Variants in TG observed in about 807,000 individuals in gnomAD.
TG encodes thyroglobulin.
TG carries 270 observed loss-of-function variants against 324.7 expected under a neutral mutation model. The observed-to-expected ratio is 0.83, with a 90% CI of 0.75 to 0.92. The LOEUF is 0.92. TG is among the 40% of genes least tolerant of loss of function. The probability of loss-of-function intolerance (pLI) is 0.00; values close to 1 mark genes in which losing one functional copy is unlikely to be tolerated. For missense variants in TG, 3,591 were observed against 3,456.4 expected (o/e 1.04, Z -0.98); for synonymous variants, 1,401 against 1,327.0 (o/e 1.06, Z -1.21).
Position 132,913,028 on chromosome 8 carries a change from C to T in TG, c.4160-19C>T. On this transcript the variant is annotated intron_variant, in intron 19 of 47. Transcript: ENST00000220616. ...AGAGTACAGTGGGGGTGACCTCTAC[C>T]TTATCCTGTGTCTTACAGAGAGAGC... The T allele has an allele frequency of 1.2e-6, 2 of 1,613,372 alleles. No homozygotes were observed. The highest frequency in any genetic ancestry group is 1.3e-5 in the African/African-American group (1 of 75,032).
At chr8:133,045,061 C>T (rs374316806) in intron 41 of TG, 21 of 1,614,032 alleles carry the variant, frequency 1.3e-5, no homozygotes, top group Non-Finnish European at 1.7e-5. Context: ...GTTGGGCAGA[C>T]GGAAAATGCG....
rs372657894 is a variant in TG at position 132,908,392 on chromosome 8, C to T, written c.4002+52C>T. ...AGGGCTTGGACTCAACTCAGGGTTA[C>T]GGTGTCAGAAAACCTGAGGGCTCAC... On this transcript the variant is annotated intron_variant, in intron 18 of 47. Coordinates refer to ENST00000220616, the MANE Select transcript of TG (RefSeq NM_003235.5). 88 of 1,504,862 alleles carry T rather than the reference C, an allele frequency of 5.8e-5. No homozygotes were observed. In the African/African-American group the frequency reaches 9.9e-4, roughly 17 times the overall value. The allele number at this position is 1,504,862 out of a possible 1,614,324, so 93.2% of individuals were successfully genotyped here.
intron 10 of TG, among the ~76,000 whole-genome samples, chr8:132,891,410 C>T (rs892798763): frequency 2.6e-5 from 4 of 152,212 alleles, no homozygotes; most frequent in Non-Finnish European, 5.9e-5. Flanking sequence ...TCTCAGTTCA[C>T]TGCAGCCTCA....
chr8:133,128,195 T>G (rs1401900983), intron 45 of TG, among the ~76,000 whole-genome samples: 1 of 152,102 alleles, frequency 6.6e-6, no homozygotes, highest in African/African-American at 2.4e-5. Flanking sequence ...CTTTTGAGCC[T>G]CAGCATCCAT....
At chr8:133,042,977 ACC>A (rs141440888) in intron 41 of TG, among the ~76,000 whole-genome samples, 23,005 of 151,884 alleles carry the variant, frequency 0.15, 2,428 homozygotes, top group East Asian at 0.47. Context: ...TACAGGCATG[ACC>A]CACCATGCCT....
intron 41 of TG, among the ~76,000 whole-genome samples, chr8:133,091,741 T>G (rs1482691493): frequency 6.6e-6 from 1 of 151,976 alleles, no homozygotes; most frequent in East Asian, 1.9e-4. Flanking sequence ...TGTGTGTGGG[T>G]GTATATTTCT....
intron 35 of TG, chr8:132,995,570 C>T (rs1197956138): frequency 2.9e-5 from 28 of 974,170 alleles, no homozygotes; most frequent in Non-Finnish European, 3.4e-5. Flanking sequence ...TCGTTTTGCC[C>T]ACGCACCCAG....
At chr8:132,896,060 C>A (rs1188383461) in intron 11 of TG, among the ~76,000 whole-genome samples, 2 of 152,354 alleles carry the variant, frequency 1.3e-5, no homozygotes, top group South Asian at 2.1e-4. Context: ...TGTCTGAGGG[C>A]CTAATGAGCG....
intron 35 of TG, among the ~76,000 whole-genome samples, chr8:132,991,660 C>T (rs56033214): frequency 0.025 from 3,767 of 152,264 alleles, 61 homozygotes; most frequent in Middle Eastern, 0.051. Context: ...CCGGTTAGCA[C>T]ACCCTGTTTC....
At chr8:132,956,369 A>G (rs1266217180) in intron 27 of TG, among the ~76,000 whole-genome samples, 1 of 152,172 alleles carries the variant, frequency 6.6e-6, no homozygotes, top group African/African-American at 2.4e-5. Flanking sequence ...CTTACAGTGT[A>G]TCCAGGAATC....
chr8:133,077,593 C>T (rs1845091772), intron 41 of TG, among the ~76,000 whole-genome samples: 1 of 152,156 alleles, frequency 6.6e-6, no homozygotes, highest in Admixed American at 6.5e-5. Flanking sequence ...TGGCCCTGGG[C>T]CCAACCAGAG....
chr8:132,878,355 A>G (rs2461801), intron 5 of TG, among the ~76,000 whole-genome samples: 23,312 of 151,822 alleles, frequency 0.15, 1,995 homozygotes, highest in East Asian at 0.28. Context: ...GCTGGCTCAC[A>G]CCTGTAATCC....
At chr8:133,000,960 C>T (rs1306636336) in intron 35 of TG, among the ~76,000 whole-genome samples, 4 of 152,100 alleles carry the variant, frequency 2.6e-5, no homozygotes, top group African/African-American at 4.8e-5. Context: ...TTGATTCCTT[C>T]CAAGGTCCCT....
At chr8:132,938,246 C>T (rs531945830) in intron 25 of TG, among the ~76,000 whole-genome samples, 2 of 152,292 alleles carry the variant, frequency 1.3e-5, no homozygotes, top group South Asian at 4.1e-4. Flanking sequence ...TTCAGTGGGA[C>T]TAAAGAAAGG....
intron 2 of TG, 38 bp from the exon 3 acceptor site, chr8:132,869,691 C>T: frequency 6.4e-7 from 1 of 1,571,574 alleles, no homozygotes. Flanking sequence ...GCTTTGGGGG[C>T]CCATCCCAGG....
Position 132,892,648 on chromosome 8 carries a change from T to TA in TG, c.2762-1042_2762-1041insA, listed in dbSNP as rs561215667. Among the ~76,000 whole-genome samples the TA allele has an allele frequency of 9.2e-5, 14 of 152,224 alleles. No individual in the cohort carries two copies. In the South Asian group the frequency reaches 2.9e-3, roughly 32 times the overall value. On this transcript the variant is annotated intron_variant, in intron 10 of 47. Transcript: ENST00000220616. Reference sequence around the variant, plus strand: ...AAATGTGCTCACGTGTGGGTGTGTATTGTGTAGTGTGTGTATGTGTGTGCT... The same window carrying TA: ...AAATGTGCTCACGTGTGGGTGTGTATATGTGTAGTGTGTGTATGTGTGTGCT...
chr8:132,893,619 C>T (rs1816666100), intron 10 of TG, 71 bp from the exon 11 acceptor site: 2 of 1,606,900 alleles, frequency 1.2e-6, no homozygotes, highest in Admixed American at 1.7e-5. Context: ...TGAGGGCACA[C>T]ATGCTTCATG....
At chr8:133,085,687 TATA>T (rs1846420365) in intron 41 of TG, among the ~76,000 whole-genome samples, 1 of 152,238 alleles carries the variant, frequency 6.6e-6, no homozygotes. Context: ...CTAGGATGCC[TATA>T]ATAATAACAA....
chr8:133,004,760 C>G (rs964032552), intron 35 of TG, among the ~76,000 whole-genome samples: 2 of 152,094 alleles, frequency 1.3e-5, no homozygotes, highest in Admixed American at 6.5e-5. Flanking sequence ...CCTGGAGGAC[C>G]ATAGGTGGTG....
Sources: allele counts gnomAD v4.1 joint callset (sites outside exome capture counted in the v4.1 genomes callset), GRCh38; gene constraint gnomAD v4.1.1; transcripts MANE v1.5; gene names NCBI Gene and HGNC (gene_info 2026-07-23, HGNC 2026-07-21).